CCDC117: variants seen among roughly 807,000 people sequenced by gnomAD.
The protein encoded by CCDC117 is coiled-coil domain-containing protein 117.
A neutral mutation model predicts 23.5 loss-of-function variants in CCDC117; 1 was observed. The observed-to-expected ratio is 0.04, with a 90% CI of 0.02 to 0.20. CCDC117 has a LOEUF of 0.20. Ranked by LOEUF, CCDC117 falls within the 10% of genes least tolerant of loss-of-function variation. The pLI is 1.00. For missense variants in CCDC117, 383 were observed against 348.2 expected (o/e 1.10, Z -0.80); for synonymous variants, 132 against 124.8 (o/e 1.06, Z -0.39).
chr22:28,772,829 A>C lies in CCDC117; in HGVS notation c.-21A>C. On this transcript the variant is annotated 5_prime_UTR_variant, in exon 1 of 5. Coordinates refer to ENST00000249064, the MANE Select transcript of CCDC117 (RefSeq NM_173510.4). ...CGCGGGCGGCCGAGGCCGCCGTCGCAGCCTCCTCGTCTCGCCGGCTATGGC... is the reference window on the plus strand; with the variant it reads ...CGCGGGCGGCCGAGGCCGCCGTCGCCGCCTCCTCGTCTCGCCGGCTATGGC... 8.2e-7 allele frequency: 1 copy of C among 1,223,960 alleles called. No homozygotes were observed. Among genetic ancestry groups the C allele is most frequent in the Non-Finnish European group, 1.0e-6 (1 of 982,544 alleles). 75.8% of individuals were successfully genotyped at this position (1,223,960 alleles called of 1,614,324 possible).
Position 28,772,877 on chromosome 22 carries a change from G to C in CCDC117, c.28G>C (p.Gly10Arg), listed in dbSNP as rs1360181873. 2 of 1,236,420 alleles carry C rather than the reference G, an allele frequency of 1.6e-6. No individual in the cohort carries two copies. The highest frequency in any genetic ancestry group is 2.0e-6 in the Non-Finnish European group (2 of 989,366). 76.6% of individuals were successfully genotyped at this position (1,236,420 alleles called of 1,614,324 possible). A position where few individuals can be genotyped will look rare whatever the true frequency, so the allele number is the denominator to read the frequency against. Residue 10 changes from glycine (G) to arginine (R), a missense_variant, in exon 1 of 5, where the codon GGC (glycine) becomes CGC (arginine). By Grantham distance (125) the Gly-to-Arg change is moderately radical (BLOSUM62 -2). Transcript: ENST00000249064. Reference sequence around the variant, plus strand: ...GGCTGCGCTCGGCCGGCCCTTCAGCGGCCTCCCTCTGAGCGGCGGCTCGGA... The same window carrying C: ...GGCTGCGCTCGGCCGGCCCTTCAGCCGCCTCCCTCTGAGCGGCGGCTCGGA... MAALGRPFS[G>R]LPLSGGSDFL...
At chr22:28,783,229 T>G (rs1293834587) in intron 3 of CCDC117, among the ~76,000 whole-genome samples, 2 of 151,728 alleles carry the variant, frequency 1.3e-5, no homozygotes, top group Non-Finnish European at 2.9e-5. Flanking sequence ...TTAGTAGAGA[T>G]AGGGTTTCAC....
At chr22:28,781,220 A>G in intron 3 of CCDC117, 48 bp downstream of exon 3, 6 of 1,082,268 alleles carry the variant, frequency 5.5e-6, no homozygotes, top group Non-Finnish European at 8.4e-6. Context: ...CTCTTGTAAT[A>G]ACTCTGCTCA....
At chr22:28,781,335 G>GTTTTGTTTT (rs2031317085) in intron 3 of CCDC117, among the ~76,000 whole-genome samples, 163 bp downstream of exon 3, 6 of 14,824 alleles carry the variant, frequency 4.0e-4, no homozygotes, top group African/African-American at 1.0e-3. Flanking sequence ...TTTTTGTTTT[G>GTTTTGTTTT]TTTTTTTTTT....
chr22:28,780,822 C>A, intron 2 of CCDC117, 126 bp from the exon 3 acceptor site: 2 of 656,170 alleles, frequency 3.0e-6, no homozygotes, highest in Non-Finnish European at 5.2e-6. Flanking sequence ...TATTTTCCAT[C>A]TTGTTACTAC....
Position 28,772,757 on chromosome 22 carries a change from T to G in CCDC117, c.-93T>G, listed in dbSNP as rs2031019188. 2.0e-6 allele frequency: 2 copies of G among 1,024,278 alleles called. No individual in the cohort carries two copies. The highest frequency in any genetic ancestry group is 2.5e-6 in the Non-Finnish European group (2 of 806,612). 63.4% of individuals were successfully genotyped at this position (1,024,278 alleles called of 1,614,324 possible). A position where few individuals can be genotyped will look rare whatever the true frequency, so the allele number is the denominator to read the frequency against. ...TGGGGTCGAGAGCGGGATCCGAGGC[T>G]GGCGGGTTTTGGCAGTAGCTGTGGC... On this transcript the variant is annotated 5_prime_UTR_variant, in exon 1 of 5. Coordinates refer to ENST00000249064, the MANE Select transcript of CCDC117 (RefSeq NM_173510.4).
chr22:28,783,735 T>C, intron 4 of CCDC117, 90 bp downstream of exon 4: 1 of 1,227,620 alleles, frequency 8.1e-7, no homozygotes. Context: ...TCATTAGCTC[T>C]TTTTATCTCC....
chr22:28,785,049 C>T (rs1018404242), intron 4 of CCDC117, among the ~76,000 whole-genome samples: 11 of 152,114 alleles, frequency 7.2e-5, no homozygotes, highest in East Asian at 1.9e-4. Flanking sequence ...GGATTACAGG[C>T]GTGAGCCACC....
intron 3 of CCDC117, among the ~76,000 whole-genome samples, chr22:28,782,475 G>T (rs528730862): frequency 2.6e-5 from 4 of 151,908 alleles, no homozygotes; most frequent in African/African-American, 9.7e-5. Context: ...GTCTCGCTCT[G>T]TTGCTCAGGC....
chr22:28,775,796 C>T (rs1601420460), intron 2 of CCDC117, among the ~76,000 whole-genome samples: 1 of 152,158 alleles, frequency 6.6e-6, no homozygotes, highest in Non-Finnish European at 1.5e-5. Context: ...ACTCGGGAGG[C>T]TGAGGCAGGA....
intron 2 of CCDC117, among the ~76,000 whole-genome samples, chr22:28,775,944 C>A (rs771825536): frequency 5.3e-5 from 8 of 152,026 alleles, no homozygotes; most frequent in Non-Finnish European, 1.0e-4. Flanking sequence ...CATGAACAAC[C>A]AAATAAAAAA....
At chr22:28,784,750 C>T (rs192222229) in intron 4 of CCDC117, among the ~76,000 whole-genome samples, 10 of 152,192 alleles carry the variant, frequency 6.6e-5, no homozygotes, top group South Asian at 2.1e-4. Context: ...AGAAGCTAGC[C>T]TTTGAGGGTA....
chr22:28,773,332 G>A (rs1038540620), intron 1 of CCDC117: 4 of 180,772 alleles, frequency 2.2e-5, no homozygotes, highest in Non-Finnish European at 4.7e-5. Flanking sequence ...CTCGGTCTGG[G>A]TGCCCCCTCG....
At chr22:28,782,757 A>G (rs553942347) in intron 3 of CCDC117, among the ~76,000 whole-genome samples, 2 of 152,112 alleles carry the variant, frequency 1.3e-5, no homozygotes, top group East Asian at 1.9e-4. Flanking sequence ...TATTTAGTAG[A>G]GACAGGGTTT....
In CCDC117 at chr22:28,773,766, AG is replaced by A; in HGVS notation, c.229del (p.Glu77ArgfsTer7). 1 of 1,613,766 alleles carries A rather than the reference AG, an allele frequency of 6.2e-7. No homozygotes were observed. The highest frequency in any genetic ancestry group is 8.5e-7 in the Non-Finnish European group (1 of 1,179,670). On this transcript the variant is annotated frameshift_variant, in exon 2 of 5. Coordinates refer to ENST00000249064, the MANE Select transcript of CCDC117 (RefSeq NM_173510.4). LOFTEE classifies it high-confidence loss of function. ...AAAAAGAAACACAAGCGAGAGGAGG[AG>A]GAGGATGATGAGTAAGTTTCAGTGG... ...HCKKKHKREE[E>X]EDDDCPVRKK... is the part of the protein sequence containing the mutation.
At chr22:28,784,146 AAC>A (rs1410806615) in intron 4 of CCDC117, among the ~76,000 whole-genome samples, 1 of 152,208 alleles carries the variant, frequency 6.6e-6, no homozygotes, top group Non-Finnish European at 1.5e-5. Flanking sequence ...TCTTAATCTA[AAC>A]ACAGTTTATG....
chr22:28,785,588 C>T (rs1013609933), intron 4 of CCDC117, among the ~76,000 whole-genome samples: 2 of 152,160 alleles, frequency 1.3e-5, no homozygotes, highest in African/African-American at 4.8e-5. Flanking sequence ...TTAGTATGAG[C>T]TAGCTGCCTA....
chr22:28,775,649 G>A (rs987468560), intron 2 of CCDC117, among the ~76,000 whole-genome samples: 1 of 151,798 alleles, frequency 6.6e-6, no homozygotes, highest in Non-Finnish European at 1.5e-5. Flanking sequence ...CTGTAATCCC[G>A]GCACTTTGGG....
Position 28,786,246 on chromosome 22 carries a change from T to G in CCDC117, c.760T>G (p.Ser254Ala). ...TAFPQRTELF[S>A]EPRPTGMSLY... Reference sequence around the variant, plus strand: ...CTTCCCTCAGAGAACTGAACTGTTTTCGGAACCTCGGCCAACAGGGATGTC... The same window carrying G: ...CTTCCCTCAGAGAACTGAACTGTTTGCGGAACCTCGGCCAACAGGGATGTC... Residue 254 changes from serine (S) to alanine (A), a missense_variant, in exon 5 of 5, where the codon TCG becomes GCG. Transcript: ENST00000249064. The G allele has an allele frequency of 6.2e-7, 1 of 1,614,150 alleles. No individual in the cohort carries two copies. Among genetic ancestry groups the G allele is most frequent in the Non-Finnish European group, 8.5e-7 (1 of 1,180,034 alleles).
Sources: allele counts gnomAD v4.1 joint callset (sites outside exome capture counted in the v4.1 genomes callset), GRCh38; gene constraint gnomAD v4.1.1; transcripts MANE v1.5; gene names NCBI Gene and HGNC (gene_info 2026-07-23, HGNC 2026-07-21).